PDPR: variants seen among roughly 807,000 people sequenced by gnomAD.
PDPR encodes the protein pyruvate dehydrogenase phosphatase regulatory subunit, mitochondrial.
In PDPR, 50 loss-of-function variants were observed where a neutral mutation model predicts 102.2. The observed-to-expected ratio is 0.49, with a 90% CI of 0.39 to 0.62. The LOEUF is 0.62. PDPR is among the 20% of genes least tolerant of loss of function. The probability of loss-of-function intolerance (pLI) is 0.00; values close to 1 mark genes in which losing one functional copy is unlikely to be tolerated. For synonymous variants in PDPR, 259 were observed against 406.0 expected (o/e 0.64, Z 4.35); for missense variants, 625 against 1,098.2 (o/e 0.57, Z 6.09).
At chr16:70,154,339 A>G (rs1966880527) in intron 18 of PDPR, among the ~76,000 whole-genome samples, 2 of 152,190 alleles carry the variant, frequency 1.3e-5, no homozygotes, top group Non-Finnish European at 2.9e-5. Flanking sequence ...GAAAAAAGAA[A>G]ACATAGTAAA....
chr16:70,129,449 A>T (rs1329658111), intron 6 of PDPR, among the ~76,000 whole-genome samples: 1 of 152,236 alleles, frequency 6.6e-6, no homozygotes, highest in Non-Finnish European at 1.5e-5. Flanking sequence ...GGTTCATGTG[A>T]TCCTCCTGCT....
intron 17 of PDPR, among the ~76,000 whole-genome samples, chr16:70,150,197 G>A (rs1339437500): frequency 2.7e-5 from 4 of 149,340 alleles, no homozygotes; most frequent in Admixed American, 6.8e-5. Flanking sequence ...TCTGCCTCCC[G>A]GGTTCAAGTG....
intron 9 of PDPR, among the ~76,000 whole-genome samples, chr16:70,134,019 C>T (rs2152086456): frequency 2.0e-5 from 3 of 152,356 alleles, no homozygotes; most frequent in East Asian, 3.9e-4. Context: ...AGACGTGAGC[C>T]ACCATGCCCG....
chr16:70,125,509 G>A (rs1180661314), intron 3 of PDPR, among the ~76,000 whole-genome samples: 3 of 144,178 alleles, frequency 2.1e-5, no homozygotes, highest in East Asian at 2.1e-4. Flanking sequence ...AGCCGAGATT[G>A]TGCCATTGCA....
At chr16:70,163,173 C>G (rs755627787), downstream of PDPR, among the ~76,000 whole-genome samples, 3 of 152,262 alleles carry the variant, frequency 2.0e-5, no homozygotes, top group Non-Finnish European at 4.4e-5. Context: ...GTCTCAAACC[C>G]CCAACCTCAA....
chr16:70,115,217 G>A (rs1009605707), intron 2 of PDPR, among the ~76,000 whole-genome samples: 1 of 152,140 alleles, frequency 6.6e-6, no homozygotes, highest in African/African-American at 2.4e-5. Flanking sequence ...TCTGCCTCCT[G>A]GGTTCAAGCA....
chr16:70,135,982 T>C (rs1965092565), intron 9 of PDPR, among the ~76,000 whole-genome samples: 1 of 150,800 alleles, frequency 6.6e-6, no homozygotes, highest in Non-Finnish European at 1.5e-5. Flanking sequence ...GGTGAGAGAG[T>C]AGCTTGAACC....
chr16:70,157,251 CAG>C lies in PDPR; in HGVS notation c.*373_*374del, dbSNP rs1314968404. On this transcript the variant is annotated 3_prime_UTR_variant, in exon 19 of 19. Coordinates refer to ENST00000288050, the MANE Select transcript of PDPR (RefSeq NM_017990.5). ...GGGCAAGCCGGGGTGGTGCAGGTCT[CAG>C]GGCACGAGTCCCTCTCCCTTGGGTT... 1.2e-5 allele frequency: 6 copies of C among 512,390 alleles called. No homozygotes were observed. The highest frequency in any genetic ancestry group is 1.2e-4 in the African/African-American group (6 of 51,952). The allele number at this position is 512,390 out of a possible 1,614,324, so 31.7% of individuals were successfully genotyped here. A position where few individuals can be genotyped will look rare whatever the true frequency, so the allele number is the denominator to read the frequency against.
intron 2 of PDPR, among the ~76,000 whole-genome samples, chr16:70,115,270 T>C (rs1312934849): frequency 2.0e-5 from 3 of 152,030 alleles, no homozygotes; most frequent in Admixed American, 6.6e-5. Context: ...AATACAGGTG[T>C]GCGCCACCAC....
chr16:70,153,478 C>T lies in PDPR; in HGVS notation c.2140C>T (p.Arg714Ter), dbSNP rs201013643. ...NAGYYALRSL[R>*]IEKFFAFWGQ... ...TGGGTATTACGCTCTTCGCAGTCTC[C>T]GAATTGAGAAGTTTTTTGCCTTCTG... The change falls in exon 18 of 19, where the codon CGA becomes TGA. Residue 714 changes from arginine to a stop codon, truncating the protein, a stop_gained. Transcript: ENST00000288050. LOFTEE classifies it high-confidence loss of function. The T allele has an allele frequency of 3.2e-4, 514 of 1,613,180 alleles. No individual in the cohort carries two copies. Among genetic ancestry groups the T allele is most frequent in the African/African-American group, 2.4e-3 (181 of 75,004 alleles).
At chr16:70,154,920 T>C (rs1488832321) in intron 18 of PDPR, among the ~76,000 whole-genome samples, 1 of 152,210 alleles carries the variant, frequency 6.6e-6, no homozygotes, top group Non-Finnish European at 1.5e-5. Flanking sequence ...ATTACAGGCG[T>C]GAGACAGCAC....
At chr16:70,133,421 C>CGTTTTTTTTTTTTTT (rs1964750684) in intron 9 of PDPR, among the ~76,000 whole-genome samples, 1 of 103,734 alleles carries the variant, frequency 9.6e-6, no homozygotes, top group Admixed American at 1.2e-4. Context: ...TGCGTCTGGC[C>CGTTTTTTTTTTTTTT]TTTTTTTTTT....
chr16:70,116,059 A>G (rs1472821228), intron 2 of PDPR, among the ~76,000 whole-genome samples: 1 of 148,604 alleles, frequency 6.7e-6, no homozygotes, highest in Non-Finnish European at 1.5e-5. Flanking sequence ...AATGAACACA[A>G]GGTCAGAGAT....
At chr16:70,150,106 T>C (rs867918049) in intron 17 of PDPR, among the ~76,000 whole-genome samples, 1 of 29,302 alleles carries the variant, frequency 3.4e-5, no homozygotes. Context: ...TTTTTTTTTT[T>C]TCTTTTTTTT....
In PDPR at chr16:70,157,152, A is replaced by T. The variant is rs572460605; in HGVS notation, c.*273A>T. ...CTCGTGGTGGCAGGAGGTATGTCTG[A>T]CAGGACAGAAGCAAGCTCCACTGTG... On this transcript the variant is annotated 3_prime_UTR_variant, in exon 19 of 19. Coordinates refer to ENST00000288050, the MANE Select transcript of PDPR (RefSeq NM_017990.5). The T allele has an allele frequency of 1.2e-5, 8 of 652,564 alleles. No individual in the cohort carries two copies. The East Asian group carries it at 2.0e-4, about 17-fold the overall frequency. The allele number at this position is 652,564 out of a possible 1,614,324, so 40.4% of individuals were successfully genotyped here.
chr16:70,156,787 C>T lies in PDPR; in HGVS notation c.2548C>T (p.Gln850Ter). 1 of 1,614,076 alleles carries T rather than the reference C, an allele frequency of 6.2e-7. No individual in the cohort carries two copies. Among genetic ancestry groups the T allele is most frequent in the Non-Finnish European group, 8.5e-7 (1 of 1,179,906 alleles). Residue 850 changes from glutamine (Q) to a stop codon, truncating the protein, a stop_gained, in exon 19 of 19, where the codon CAG becomes TAG. Coordinates refer to ENST00000288050, the MANE Select transcript of PDPR (RefSeq NM_017990.5). LOFTEE classifies it high-confidence loss of function. ...GATTGACATCGCGGGATACCGCTTC[C>T]AGGCCAAGGCCAAGCTCTACCCTGT... The part of the protein sequence containing the change: ...YEIDIAGYRF[Q>*]AKAKLYPVAS...
intron 11 of PDPR, among the ~76,000 whole-genome samples, chr16:70,140,605 G>A (rs1203239368): frequency 6.6e-6 from 1 of 152,204 alleles, no homozygotes; most frequent in African/African-American, 2.4e-5. Flanking sequence ...GATCACTTGA[G>A]GTCAGGAGGT....
rs1965952985 is a variant in PDPR at position 70,143,589 on chromosome 16, A to G, written c.1685A>G (p.His562Arg). The G allele has an allele frequency of 6.2e-7, 1 of 1,612,750 alleles. No homozygotes were observed. The highest frequency in any genetic ancestry group is 1.7e-5 in the Admixed American group (1 of 59,974). ...DLDVPVGHIV[H>R]TGMLNEGGGY... Reference sequence around the variant, plus strand: ...GATGTGCCTGTGGGCCACATTGTGCATACTGGCATGCTCAACGAGGGTGGA... The same window carrying G: ...GATGTGCCTGTGGGCCACATTGTGCGTACTGGCATGCTCAACGAGGGTGGA... The change falls in exon 14 of 19, where the codon CAT becomes CGT. Residue 562 changes from histidine (H) to arginine (R), a missense_variant. Physicochemically the swap from His to Arg is conservative, Grantham distance 29. Coordinates refer to ENST00000288050, the MANE Select transcript of PDPR (RefSeq NM_017990.5).
intron 13 of PDPR, 119 bp downstream of exon 13, chr16:70,142,805 TC>T (rs1444863970): frequency 1.4e-6 from 2 of 1,381,534 alleles, no homozygotes; most frequent in Non-Finnish European, 2.0e-6. Context: ...ATGCCTGTAT[TC>T]CCAGCACTTT....
Sources: allele counts gnomAD v4.1 joint callset (sites outside exome capture counted in the v4.1 genomes callset), GRCh38; gene constraint gnomAD v4.1.1; transcripts MANE v1.5; gene names NCBI Gene and HGNC (gene_info 2026-07-23, HGNC 2026-07-21).